Variants in STK10 observed in about 807,000 individuals in gnomAD.
STK10 encodes serine/threonine kinase 10.
STK10 carries 78 observed loss-of-function variants against 113.8 expected under a neutral mutation model. The observed-to-expected ratio is 0.69, with a 90% CI of 0.57 to 0.83. The LOEUF (loss-of-function observed/expected upper bound fraction) is 0.83, where lower values mean the gene tolerates loss of function less well. Ranked by LOEUF, STK10 falls within the 40% of genes least tolerant of loss-of-function variation. The pLI is 0.00. For synonymous variants in STK10, 465 were observed against 494.7 expected (o/e 0.94, Z 0.80); for missense variants, 1,109 against 1,280.1 (o/e 0.87, Z 2.04).
intron 12 of STK10, among the ~76,000 whole-genome samples, chr5:172,075,215 G>A (rs1276137890): frequency 6.6e-6 from 1 of 151,722 alleles, no homozygotes; most frequent in Admixed American, 6.6e-5. Context: ...ACAAGACACT[G>A]TTAGGAGAAA....
chr5:172,048,607 TGATACCATCCTAGTTCAA>T (rs59262854), intron 18 of STK10, among the ~76,000 whole-genome samples: 23,815 of 151,190 alleles, frequency 0.16, 3,370 homozygotes, highest in African/African-American at 0.39. Flanking sequence ...CCCCAACCTC[TGATACCATCCTAGTTCAA>T]GATACCACCC....
rs1313538584 is a variant in STK10, at chr5:172,043,694, G to A, written c.*1188C>T. 3.9e-5 allele frequency: 6 copies of A among 152,190 alleles called. No homozygotes were observed. In the South Asian group the frequency reaches 1.2e-3, roughly 31 times the overall value. 9.4% of individuals were successfully genotyped at this position (152,190 alleles called of 1,614,324 possible). A position where few individuals can be genotyped will look rare whatever the true frequency, so the allele number is the denominator to read the frequency against. ...AATCAGAATCTGGGGGAAGCCAACT[G>A]AGACCCCGAAGGCCCAGCAGGAGTC... On this transcript the variant is annotated 3_prime_UTR_variant, in exon 19 of 19. Transcript: ENST00000176763.
chr5:172,178,120 G>T (rs571289427), intron 1 of STK10, among the ~76,000 whole-genome samples: 1 of 152,124 alleles, frequency 6.6e-6, no homozygotes, highest in African/African-American at 2.4e-5. Context: ...GAGCCACCGC[G>T]CCCAGCCCAG....
chr5:172,061,582 G>A, intron 13 of STK10: 1 of 210,390 alleles, frequency 4.8e-6, no homozygotes. Flanking sequence ...CTCCTGAGTA[G>A]CTGGGATTAT....
intron 1 of STK10, among the ~76,000 whole-genome samples, chr5:172,180,473 A>G (rs1402870671): frequency 1.3e-5 from 2 of 148,648 alleles, no homozygotes; most frequent in Admixed American, 1.3e-4. Flanking sequence ...TCAAAAAAGA[A>G]AGTCTAGCCT....
At chr5:172,183,566 G>A (rs1371946127) in intron 1 of STK10, among the ~76,000 whole-genome samples, 3 of 148,210 alleles carry the variant, frequency 2.0e-5, no homozygotes, top group South Asian at 2.1e-4. Context: ...CTCCTGCCTC[G>A]GCCTCCTAGT....
chr5:172,188,134 A>G lies in STK10; in HGVS notation c.-92T>C. On this transcript the variant is annotated 5_prime_UTR_variant, in exon 1 of 19. Transcript: ENST00000176763. The surrounding 1 kb of genome is among the most constrained non-coding windows in gnomAD (Gnocchi z 5.6). ...GAGGAGAAGGAGGAGGAGTTGGAGG[A>G]CGCCGCGTCTCTCGGGGTTCTCCCC... 15 of 1,510,350 alleles carry G rather than the reference A, an allele frequency of 9.9e-6. No individual in the cohort carries two copies. Among genetic ancestry groups the G allele is most frequent in the Non-Finnish European group, 1.3e-5 (15 of 1,128,182 alleles). 93.6% of individuals were successfully genotyped at this position (1,510,350 alleles called of 1,614,324 possible).
chr5:172,130,545 A>C lies in STK10; in HGVS notation c.322-3124T>G, dbSNP rs1247675008. ...GACTCTGTCTCCAAAAAAAAAAAAA[A>C]CCGAAAAACCCAGTCCTAATACACC... is the stretch of plus-strand genomic sequence containing the variant. On this transcript the variant is annotated intron_variant, in intron 2 of 18. Transcript: ENST00000176763. Among the ~76,000 whole-genome samples, 10 of 147,904 alleles carry C rather than the reference A, an allele frequency of 6.8e-5. No homozygotes were observed. The East Asian group carries it at 1.6e-3, about 23-fold the overall frequency.
At chr5:172,173,392 T>C (rs973650166) in intron 1 of STK10, among the ~76,000 whole-genome samples, 10 of 152,176 alleles carry the variant, frequency 6.6e-5, no homozygotes, top group Admixed American at 6.5e-5. Flanking sequence ...AACTGCCTCA[T>C]AGGGCCAAGC....
At position 172,083,057 on chromosome 5, in the gene STK10, C is replaced by T; in HGVS notation, c.1713G>A (p.Leu571=). The part of the protein sequence containing the change: ...LRRQELRELR[L]LQKEEHRNQT... ...GGTTCCGATGCTCTTCTTTCTGGAGCAGCCGAAGCTCTCGGAGTTCCTGGC... is the reference window on the plus strand; with the variant it reads ...GGTTCCGATGCTCTTCTTTCTGGAGTAGCCGAAGCTCTCGGAGTTCCTGGC... Residue 571 remains leucine (L), a synonymous_variant, in exon 11 of 19, where the codon CTG becomes CTA. Transcript: ENST00000176763. 3.1e-6 allele frequency: 5 copies of T among 1,614,114 alleles called. No homozygotes were observed. In the South Asian group the frequency reaches 5.5e-5, roughly 18 times the overall value.
chr5:172,150,047 C>CAAAA lies in STK10; in HGVS notation c.321+6573_321+6576dup, dbSNP rs35745235. On this transcript the variant is annotated intron_variant, in intron 2 of 18. Transcript: ENST00000176763. ...GGGCAACAAGAACAAAACTTTGTCT[C>CAAAA]AAAAAAAAAAAAAAAAAAAAGAAAG... Among the ~76,000 whole-genome samples, 117 of 87,038 alleles carry CAAAA rather than the reference C, an allele frequency of 1.3e-3. 1 individual carries two copies. Among genetic ancestry groups the CAAAA allele is most frequent in the African/African-American group, 4.3e-3 (101 of 23,650 alleles). 57.1% of individuals were successfully genotyped at this position (87,038 alleles called of 152,430 possible).
chr5:172,159,161 C>T (rs1340501588), intron 1 of STK10, among the ~76,000 whole-genome samples: 4 of 152,210 alleles, frequency 2.6e-5, no homozygotes, highest in Non-Finnish European at 5.9e-5. Context: ...GGACCCACAG[C>T]TCCCCAAGGA....
intron 12 of STK10, among the ~76,000 whole-genome samples, chr5:172,071,237 A>AG (rs1458383276): frequency 2.6e-4 from 37 of 140,396 alleles, no homozygotes; most frequent in Non-Finnish European, 5.6e-4. Flanking sequence ...AAAAAAAAAA[A>AG]AAAAGAAATA....
At chr5:172,045,302 T>C (rs533027638) in intron 18 of STK10, 6 of 584,608 alleles carry the variant, frequency 1.0e-5, no homozygotes, top group South Asian at 9.4e-5. Flanking sequence ...AAAAAGCAGA[T>C]GCAAATCCCC....
At chr5:172,160,179 C>A (rs181897215) in intron 1 of STK10, among the ~76,000 whole-genome samples, 2 of 148,796 alleles carry the variant, frequency 1.3e-5, no homozygotes, top group Non-Finnish European at 3.0e-5. Flanking sequence ...CATTTCCCTA[C>A]AAAATGGCCC....
intron 2 of STK10, among the ~76,000 whole-genome samples, chr5:172,150,623 T>C (rs1348055384): frequency 6.6e-6 from 1 of 152,160 alleles, no homozygotes; most frequent in Non-Finnish European, 1.5e-5. Flanking sequence ...CAGTTTTGGC[T>C]GTTTTGAGGT....
Position 172,093,930 on chromosome 5 carries a change from CAGA to C in STK10, c.1033_1035del (p.Ser345del), listed in dbSNP as rs770040079. The C allele has an allele frequency of 5.3e-6, 8 of 1,514,418 alleles. No individual in the cohort carries two copies. The highest frequency in any genetic ancestry group is 7.1e-6 in the Non-Finnish European group (8 of 1,130,940). 93.8% of individuals were successfully genotyped at this position (1,514,418 alleles called of 1,614,324 possible). On this transcript the variant is annotated inframe_deletion, in exon 9 of 19. Transcript: ENST00000176763. The surrounding 1 kb of genome is among the most constrained non-coding windows in gnomAD (Gnocchi z 4.1). ...GCATTGAGGCTTGGCGGACTCACCTCAGAGGAGTTCTGAGTATGGTTCTCCAGG... is the reference window on the plus strand; with the variant it reads ...GCATTGAGGCTTGGCGGACTCACCTCGGAGTTCTGAGTATGGTTCTCCAGG...
intron 18 of STK10, among the ~76,000 whole-genome samples, chr5:172,048,615 T>C (rs542306361): frequency 2.1e-3 from 235 of 111,084 alleles, no homozygotes; most frequent in Middle Eastern, 0.012. Context: ...TCTGATACCA[T>C]CCTAGTTCAA....
chr5:172,140,735 T>C (rs1343200404), intron 2 of STK10, among the ~76,000 whole-genome samples: 1 of 151,960 alleles, frequency 6.6e-6, no homozygotes, highest in Non-Finnish European at 1.5e-5. Context: ...AAAATAGAAC[T>C]ACTATATGAT....
Sources: gnomAD v4.1 joint callset for allele counts (sites outside exome capture counted in the v4.1 genomes callset) on GRCh38, gnomAD v4.1.1 for gene constraint, Gnocchi (gnomAD v3.1) non-coding constraint, MANE v1.5 for transcripts, NCBI Gene and HGNC (gene_info 2026-07-23, HGNC 2026-07-21) for gene names.